Variants in TPCN1 observed in about 807,000 individuals in gnomAD.
TPCN1 encodes the protein two pore segment channel 1.
Under a neutral mutation model 108.8 loss-of-function variants are expected in TPCN1, and 52 were observed. The observed-to-expected ratio is 0.48, with a 90% CI of 0.38 to 0.60. The LOEUF (loss-of-function observed/expected upper bound fraction) is 0.60, where lower values mean the gene tolerates loss of function less well. Ranked by LOEUF, TPCN1 falls within the 20% of genes least tolerant of loss-of-function variation. The probability of loss-of-function intolerance (pLI) is 0.00; values close to 1 mark genes in which losing one functional copy is unlikely to be tolerated. For synonymous variants in TPCN1, 446 were observed against 433.7 expected (o/e 1.03, Z -0.35); for missense variants, 806 against 1,072.8 (o/e 0.75, Z 3.47).
chr12:113,226,080 C>CT (rs780557259), intron 1 of TPCN1, among the ~76,000 whole-genome samples: 144 of 140,308 alleles, frequency 1.0e-3, no homozygotes, highest in African/African-American at 1.7e-3. Flanking sequence ...ACCCAACCAG[C>CT]TTTTTTTTTT....
chr12:113,245,682 T>C (rs1250008002), intron 2 of TPCN1, among the ~76,000 whole-genome samples: 1 of 151,996 alleles, frequency 6.6e-6, no homozygotes, highest in Non-Finnish European at 1.5e-5. Flanking sequence ...TTCTCTGCTT[T>C]TTCTGATCAG....
chr12:113,251,955 C>T (rs763516090), intron 2 of TPCN1, among the ~76,000 whole-genome samples: 1 of 152,184 alleles, frequency 6.6e-6, no homozygotes, highest in East Asian at 1.9e-4. Context: ...CAAGAGGCCC[C>T]AAAGACCTCT....
intron 2 of TPCN1, among the ~76,000 whole-genome samples, chr12:113,227,968 C>T (rs926382216): frequency 3.9e-5 from 6 of 152,210 alleles, no homozygotes; most frequent in African/African-American, 1.2e-4. Flanking sequence ...TGTTCACCCT[C>T]ATCTAGGGTG....
chr12:113,273,740 T>G lies in TPCN1; in HGVS notation c.942+72T>G. The G allele has an allele frequency of 8.2e-7, 1 of 1,222,238 alleles. No homozygotes were observed. The highest frequency in any genetic ancestry group is 1.2e-6 in the Non-Finnish European group (1 of 827,726). The allele number at this position is 1,222,238 out of a possible 1,614,324, so 75.7% of individuals were successfully genotyped here. A position where few individuals can be genotyped will look rare whatever the true frequency, so the allele number is the denominator to read the frequency against. The stretch of plus-strand genomic sequence containing the variant: ...CATGCAGCACTAGGCACTGTGGGAG[T>G]GGAGAAGTGGGGACTGTCTTCTGCC... On this transcript the variant is annotated intron_variant, in intron 10 of 27. Coordinates refer to ENST00000335509, the MANE Select transcript of TPCN1 (RefSeq NM_017901.6). This position sits in a 1 kb window ranked among gnomAD's most constrained non-coding sequence, Gnocchi z 4.0.
intron 2 of TPCN1, among the ~76,000 whole-genome samples, chr12:113,242,352 C>T (rs1192388226): frequency 3.3e-5 from 5 of 152,184 alleles, no homozygotes; most frequent in Admixed American, 6.5e-5. Flanking sequence ...CATGGCTTTC[C>T]GCCTGGCCTA....
intron 2 of TPCN1, 132 bp from the exon 3 acceptor site, chr12:113,260,236 G>A: frequency 9.9e-7 from 1 of 1,006,378 alleles, no homozygotes; most frequent in Non-Finnish European, 1.4e-6. Flanking sequence ...ACACAGCATG[G>A]AGGTTGATTT....
At chr12:113,264,909 T>C (rs917178310) in intron 3 of TPCN1, among the ~76,000 whole-genome samples, 7 of 152,020 alleles carry the variant, frequency 4.6e-5, no homozygotes, top group Non-Finnish European at 8.8e-5. Flanking sequence ...CACTGCAACC[T>C]CCACCTCCTG....
intron 1 of TPCN1, among the ~76,000 whole-genome samples, chr12:113,226,080 CT>C (rs780557259): frequency 1.8e-3 from 247 of 140,150 alleles, no homozygotes; most frequent in Admixed American, 2.1e-3. Flanking sequence ...ACCCAACCAG[CT>C]TTTTTTTTTT....
intron 18 of TPCN1, among the ~76,000 whole-genome samples, chr12:113,286,513 C>T (rs1373212474): frequency 1.4e-5 from 2 of 138,654 alleles, no homozygotes; most frequent in African/African-American, 5.2e-5. Flanking sequence ...AGAGAGGGTC[C>T]TCTGGCTTGG....
intron 2 of TPCN1, among the ~76,000 whole-genome samples, chr12:113,250,780 CCCCGT>C (rs938572126): frequency 2.6e-5 from 4 of 151,928 alleles, no homozygotes; most frequent in African/African-American, 9.7e-5. Flanking sequence ...CATGGTAAAA[CCCCGT>C]CTCTTCCAAA....
chr12:113,262,270 C>T lies in TPCN1; in HGVS notation c.237+1778C>T, dbSNP rs115153012. 8.1e-3 allele frequency among the ~76,000 whole-genome samples: 1,238 copies of T among 152,110 alleles called. 6 individuals carry two copies. The highest frequency in any genetic ancestry group is 0.028 in the African/African-American group (1,157 of 41,470). On this transcript the variant is annotated intron_variant, in intron 3 of 27. Transcript: ENST00000335509. Reference sequence around the variant, plus strand: ...GGTAAAAATACAAAAATTAGCCAGGCGTAGCATGTGTACCCTCTAGTTCTA... The same window carrying T: ...GGTAAAAATACAAAAATTAGCCAGGTGTAGCATGTGTACCCTCTAGTTCTA...
At chr12:113,246,974 G>A (rs1377686382) in intron 2 of TPCN1, among the ~76,000 whole-genome samples, 1 of 152,208 alleles carries the variant, frequency 6.6e-6, no homozygotes, top group Admixed American at 6.5e-5. Context: ...GCGAGTGCCA[G>A]TCATTGACCT....
intron 2 of TPCN1, among the ~76,000 whole-genome samples, chr12:113,243,441 C>G (rs1386818169): frequency 6.6e-6 from 1 of 151,848 alleles, no homozygotes; most frequent in Non-Finnish European, 1.5e-5. Context: ...GACTAGAGGC[C>G]AGGCACAGAC....
chr12:113,284,527 G>C lies in TPCN1; in HGVS notation c.1343-54G>C. 6.2e-7 allele frequency: 1 copy of C among 1,607,860 alleles called. No individual in the cohort carries two copies. Among genetic ancestry groups the C allele is most frequent in the Admixed American group, 1.7e-5 (1 of 60,012 alleles). On this transcript the variant is annotated intron_variant, in intron 15 of 27. Transcript: ENST00000335509. This position sits in a 1 kb window ranked among gnomAD's most constrained non-coding sequence, Gnocchi z 4.1. ...CCAGGGACTTCAGCTGCGACCTGCA[G>C]ATTTCTAAGCCCCCCTGTTATTTCT...
At position 113,284,705 on chromosome 12, in the gene TPCN1, C is replaced by T; in HGVS notation, c.1400-13C>T. 2 of 1,614,270 alleles carry T rather than the reference C, an allele frequency of 1.2e-6. No individual in the cohort carries two copies. Among genetic ancestry groups the T allele is most frequent in the Non-Finnish European group, 1.7e-6 (2 of 1,180,048 alleles). ...CTGGCTTACCTGTGAGCTGCTACTTCTCTGTCTTACAGGTGGGAACTTCTT... is the reference window on the plus strand; with the variant it reads ...CTGGCTTACCTGTGAGCTGCTACTTTTCTGTCTTACAGGTGGGAACTTCTT... On this transcript the variant is annotated splice_polypyrimidine_tract_variant and intron_variant, in intron 16 of 27. Coordinates refer to ENST00000335509, the MANE Select transcript of TPCN1 (RefSeq NM_017901.6). This position sits in a 1 kb window ranked among gnomAD's most constrained non-coding sequence, Gnocchi z 4.1.
intron 15 of TPCN1, among the ~76,000 whole-genome samples, chr12:113,281,142 G>A (rs1425746541): frequency 3.3e-5 from 5 of 152,040 alleles, no homozygotes. Flanking sequence ...CAGGTTCTAA[G>A]TGATTCTCCT....
intron 3 of TPCN1, among the ~76,000 whole-genome samples, chr12:113,265,532 T>A (rs570323751): frequency 6.6e-6 from 1 of 151,754 alleles, no homozygotes; most frequent in Non-Finnish European, 1.5e-5. Flanking sequence ...TCTCAGGACC[T>A]TTTTTCTTTT....
At chr12:113,228,433 G>A (rs1289692240) in intron 2 of TPCN1, among the ~76,000 whole-genome samples, 1 of 152,152 alleles carries the variant, frequency 6.6e-6, no homozygotes. Flanking sequence ...GGGCAACATA[G>A]CGAGACCTCG....
At chr12:113,227,307 T>TA (rs1953508747) in intron 2 of TPCN1, among the ~76,000 whole-genome samples, 2 of 152,184 alleles carry the variant, frequency 1.3e-5, no homozygotes, top group Admixed American at 6.5e-5. Flanking sequence ...CATTCCTTGT[T>TA]AAAAAAAGAA....
Sources: gnomAD v4.1 joint callset for allele counts (sites outside exome capture counted in the v4.1 genomes callset) on GRCh38, gnomAD v4.1.1 for gene constraint, Gnocchi (gnomAD v3.1) non-coding constraint, MANE v1.5 for transcripts, NCBI Gene and HGNC (gene_info 2026-07-23, HGNC 2026-07-21) for gene names.